The following TTN variants were observed in gnomAD, a reference collection of about 807,000 sequenced individuals.
TTN encodes titin.
In TTN, 1,525 loss-of-function variants were observed where a neutral mutation model predicts 3,223.0. The observed-to-expected ratio is 0.47, with a 90% CI of 0.45 to 0.49. The LOEUF is 0.49. Ranked by LOEUF, TTN falls within the 20% of genes least tolerant of loss-of-function variation. The pLI, the probability that TTN is intolerant of heterozygous loss-of-function variation, is 0.00. For missense variants in TTN, 40,786 were observed against 43,424.0 expected, an observed-to-expected ratio of 0.94 and a Z score of 5.40; for synonymous variants, 14,094 against 15,161.0, an observed-to-expected ratio of 0.93 and a Z score of 5.17.
At chr2:178,529,851 AATTTT>A in intron 359 of TTN, 104 bp downstream of exon 359, 2 of 1,219,916 alleles carry the variant, frequency 1.6e-6, no homozygotes, top group South Asian at 3.0e-5. Context: ...TTAGGAAAAT[AATTTT>A]ATTTTAATAC....
In TTN at chr2:178,741,433, C is replaced by T; in HGVS notation, c.11800G>A (p.Gly3934Ser). 2.5e-6 allele frequency: 4 copies of T among 1,613,864 alleles called. No individual in the cohort carries two copies. The highest frequency in any genetic ancestry group is 2.5e-6 in the Non-Finnish European group (3 of 1,179,824). ...TTAAGGAAGTGAGGAGGACAAGGAC[C>T]TCCCAGCTTTTCCAGAGATTTTGCC... ...AVAKSLEKLG[G>S]PCPPHFLKEL... Residue 3934 changes from glycine to serine, a missense_variant, in exon 48 of 363, where the codon GGT becomes AGT. Physicochemically the swap from Gly to Ser is moderately conservative, Grantham distance 56. Transcript: ENST00000589042.
Position 178,666,710 on chromosome 2 carries a change from T to C in TTN, c.35875+114A>G, listed in dbSNP as rs2065986355. 4 of 828,954 alleles carry C rather than the reference T, an allele frequency of 4.8e-6. No individual in the cohort carries two copies. In the South Asian group the frequency reaches 9.3e-5, roughly 19 times the overall value. 51.3% of individuals were successfully genotyped at this position (828,954 alleles called of 1,614,324 possible). A position where few individuals can be genotyped will look rare whatever the true frequency, so the allele number is the denominator to read the frequency against. On this transcript the variant is annotated intron_variant, in intron 163 of 362. Coordinates refer to ENST00000589042, the MANE Select transcript of TTN (RefSeq NM_001267550.2). Reference sequence around the variant, plus strand: ...TGAGCTTCTACTTGGGGGATCCATCTCTGAAATGATTTCCACTGTAGCCAC... The same window carrying C: ...TGAGCTTCTACTTGGGGGATCCATCCCTGAAATGATTTCCACTGTAGCCAC...
rs370888932 is a variant in TTN, at chr2:178,600,931, C to T, written c.55973G>A (p.Arg18658Gln). ...TCCTGCAGCATTGACAGCTTTGACT[C>T]GGAATTCATATTCCCCACCCTCTAC... ...DLVEGGEYEF[R>Q]VKAVNAAGVS... Residue 18658 changes from arginine to glutamine, a missense_variant, in exon 288 of 363, where the codon CGA becomes CAA. Physicochemically the swap from Arg to Gln is conservative, Grantham distance 43. Transcript: ENST00000589042. The T allele has an allele frequency of 1.8e-5, 29 of 1,612,960 alleles. No homozygotes were observed. The East Asian group carries it at 3.1e-4, about 17-fold the overall frequency.
chr2:178,619,953 G>A, intron 249 of TTN, 35 bp downstream of exon 249: 1 of 1,595,262 alleles, frequency 6.3e-7, no homozygotes, highest in Non-Finnish European at 8.5e-7. Flanking sequence ...TAAAAAATTG[G>A]TAACATTAGA....
Position 178,725,389 on chromosome 2 carries a change from T to A in TTN, c.20815A>T (p.Met6939Leu). 1 of 1,587,268 alleles carries A rather than the reference T, an allele frequency of 6.3e-7. No homozygotes were observed. Among genetic ancestry groups the A allele is most frequent in the African/African-American group, 1.3e-5 (1 of 74,754 alleles). ...CAACCTAAGACCATCAGTGTGGCCA[T>A]GTTCTCCCTCATTCCACCATCATTC... ...IKNDGGMREN[M>L]ATLMVLEPAV... The change falls in exon 71 of 363, where the codon ATG becomes TTG. Residue 6939 changes from methionine to leucine, a missense_variant. Physicochemically the swap from Met to Leu is conservative, Grantham distance 15. Coordinates refer to ENST00000589042, the MANE Select transcript of TTN (RefSeq NM_001267550.2).
At chr2:178,783,904 T>A (rs2092979624) in intron 16 of TTN, 119 bp from the exon 17 acceptor site, 1 of 1,069,504 alleles carries the variant, frequency 9.4e-7, no homozygotes, top group African/African-American at 1.7e-5. Context: ...AAAAATAATT[T>A]GAGAAAATGA....
In TTN at chr2:178,633,248, A is replaced by G. The variant is rs1055213360; in HGVS notation, c.43025T>C (p.Leu14342Pro). ...VGETAHFEIE[L>P]SEPDVHGQWK... The stretch of plus-strand genomic sequence containing the variant: ...CTGGCCGTGAACATCAGGTTCAGAA[A>G]GTTCAATTTCAAAGTGGGCTGTTTC... The change falls in exon 233 of 363, where the codon CTT becomes CCT. Residue 14342 changes from leucine (L) to proline (P), a missense_variant. Leu to Pro is a moderately conservative substitution (Grantham distance 98, BLOSUM62 -3). Coordinates refer to ENST00000589042, the MANE Select transcript of TTN (RefSeq NM_001267550.2). The G allele has an allele frequency of 9.9e-6, 16 of 1,613,304 alleles. No homozygotes were observed. The highest frequency in any genetic ancestry group is 1.4e-5 in the Non-Finnish European group (16 of 1,179,492).
rs769690321 is a variant in TTN, at chr2:178,621,745, C to G, written c.45083-4G>C. 6.2e-7 allele frequency: 1 copy of G among 1,609,496 alleles called. No homozygotes were observed. On this transcript the variant is annotated splice_region_variant and splice_polypyrimidine_tract_variant and intron_variant, in intron 244 of 362. Transcript: ENST00000589042. ...TTGGTAAAGACAGCTTCTTCTTCTG[C>G]AAGCATTGAAAAAACAAAAACCACA...
chr2:178,582,754 T>C (rs1324529042), intron 313 of TTN, 162 bp from the exon 314 acceptor site: 2 of 909,480 alleles, frequency 2.2e-6, no homozygotes, highest in African/African-American at 3.4e-5. Flanking sequence ...TAAAATTAGG[T>C]AATTGAAATA....
intron 92 of TTN, 69 bp from the exon 93 acceptor site, chr2:178,713,441 CT>C: frequency 6.9e-7 from 1 of 1,446,656 alleles, no homozygotes; most frequent in Non-Finnish European, 9.1e-7. Flanking sequence ...TATAAAATGA[CT>C]TGAAGAGAGA....
rs1290804499 is a variant in TTN at position 178,740,091 on chromosome 2, T to A, written c.13142A>T (p.Glu4381Val). The A allele has an allele frequency of 6.2e-7, 1 of 1,613,802 alleles. No homozygotes were observed. The highest frequency in any genetic ancestry group is 8.5e-7 in the Non-Finnish European group (1 of 1,179,792). The change falls in exon 48 of 363, where the codon GAA becomes GTA. Residue 4381 changes from glutamate to valine, a missense_variant. Glu to Val is a moderately radical substitution (Grantham distance 121). Transcript: ENST00000589042. ...EVQGRDLLSK[E>V]SLLSGIPEEQ... ...TTCTGGAATACCAGAAAGCAAGCTT[T>A]CCTTAGAAAGAAGGTCCCTTCCCTG...
rs1247106679 is a variant in TTN, at chr2:178,526,577, A to G, written c.*435T>C. The G allele has an allele frequency of 6.3e-6, 1 of 158,096 alleles. No individual in the cohort carries two copies. The highest frequency in any genetic ancestry group is 2.4e-5 in the African/African-American group (1 of 41,532). 9.8% of individuals were successfully genotyped at this position (158,096 alleles called of 1,614,324 possible). ...CATATCAAGTGATATGCACAGCATC[A>G]TTCTCTTTTAGGTGGACAGGACATC... On this transcript the variant is annotated 3_prime_UTR_variant, in exon 363 of 363. Coordinates refer to ENST00000589042, the MANE Select transcript of TTN (RefSeq NM_001267550.2).
In TTN at chr2:178,573,092, G is replaced by A. The variant is rs762412998; in HGVS notation, c.73040C>T (p.Pro24347Leu). Residue 24347 changes from proline to leucine, a missense_variant, in exon 326 of 363, where the codon CCT becomes CTT. By Grantham distance (98) the Pro-to-Leu change is moderately conservative. Coordinates refer to ENST00000589042, the MANE Select transcript of TTN (RefSeq NM_001267550.2). ...GATTTCTGAACCACCATCATAGATAGGTTTATTCCAAGCGATTGAAATGGA... is the reference window on the plus strand; with the variant it reads ...GATTTCTGAACCACCATCATAGATAAGTTTATTCCAAGCGATTGAAATGGA... ...RSSISIAWNKPIYDGGSEITG... is the reference protein window; with the variant it reads ...RSSISIAWNKLIYDGGSEITG... 3.7e-6 allele frequency: 6 copies of A among 1,613,240 alleles called. No homozygotes were observed. In the Admixed American group the frequency reaches 1.0e-4, roughly 27 times the overall value.
In TTN at chr2:178,545,544, G is replaced by C. The variant is rs72648261; in HGVS notation, c.95566C>G (p.Arg31856Gly). 1.2e-6 allele frequency: 2 copies of C among 1,613,572 alleles called. No homozygotes were observed. Among genetic ancestry groups the C allele is most frequent in the Non-Finnish European group, 1.7e-6 (2 of 1,179,720 alleles). Residue 31856 changes from arginine to glycine, a missense_variant, in exon 344 of 363, where the codon CGT (arginine) becomes GGT (glycine). Arg to Gly is a moderately radical substitution (Grantham distance 125, BLOSUM62 -2). Coordinates refer to ENST00000589042, the MANE Select transcript of TTN (RefSeq NM_001267550.2). ...KREKKSLRWT[R>G]VNKDYVVYDT... Reference sequence around the variant, plus strand: ...TACACCACATAGTCTTTGTTGACACGTGTCCAGCGCAGGCTCTTCTTCTCA... The same window carrying C: ...TACACCACATAGTCTTTGTTGACACCTGTCCAGCGCAGGCTCTTCTTCTCA...
At chr2:178,641,792 T>G (rs2061271154) in intron 219 of TTN, among the ~76,000 whole-genome samples, 1 of 151,862 alleles carries the variant, frequency 6.6e-6, no homozygotes, top group Non-Finnish European at 1.5e-5. Flanking sequence ...AATATTTTAT[T>G]AGTCAGAAAG....
chr2:178,592,700 A>G (rs1214023998), intron 300 of TTN, 40 bp from the exon 301 acceptor site: 1 of 1,611,918 alleles, frequency 6.2e-7, no homozygotes, highest in Non-Finnish European at 8.5e-7. Flanking sequence ...TTGATCCATA[A>G]TGCAGATTAC....
In TTN at chr2:178,528,659, G is replaced by A. The variant is rs1435670489; in HGVS notation, c.107092C>T (p.Leu35698Phe). 6.2e-7 allele frequency: 1 copy of A among 1,613,070 alleles called. No homozygotes were observed. The highest frequency in any genetic ancestry group is 2.2e-5 in the East Asian group (1 of 44,870). Residue 35698 changes from leucine to phenylalanine, a missense_variant, in exon 360 of 363, where the codon CTC becomes TTC. Physicochemically the swap from Leu to Phe is conservative, Grantham distance 22. Transcript: ENST00000589042. ...GAGATGAAGGCTGGAGCATCTGAGA[G>A]TTCTTTGCTCAGTGTCAAATCATAC... ...CQYDLTLSKE[L>F]SDAPAFISQP...
In TTN at chr2:178,534,669, A is replaced by G. The variant is rs1436062432; in HGVS notation, c.101946T>C (p.Tyr33982=). 1 of 1,613,834 alleles carries G rather than the reference A, an allele frequency of 6.2e-7. No individual in the cohort carries two copies. Among genetic ancestry groups the G allele is most frequent in the Non-Finnish European group, 8.5e-7 (1 of 1,179,776 alleles). Residue 33982 remains tyrosine, a synonymous_variant, in exon 358 of 363, where the codon TAT becomes TAC. Coordinates refer to ENST00000589042, the MANE Select transcript of TTN (RefSeq NM_001267550.2). ...FRLLFTAPEY[Y]APEVHQHDVV... Reference sequence around the variant, plus strand: ...CATCATGCTGGTGGACTTCAGGTGCATAGTATTCTGGGGCAGTGAATAGAA... The same window carrying G: ...CATCATGCTGGTGGACTTCAGGTGCGTAGTATTCTGGGGCAGTGAATAGAA...
intron 294 of TTN, 106 bp from the exon 295 acceptor site, chr2:178,595,915 A>G: frequency 9.6e-6 from 11 of 1,150,918 alleles, no homozygotes; most frequent in Non-Finnish European, 1.2e-5. Flanking sequence ...GAAGAAAGTA[A>G]GGTTTTGTGT....
Sources: allele counts gnomAD v4.1 joint callset (sites outside exome capture counted in the v4.1 genomes callset), GRCh38; gene constraint gnomAD v4.1.1; transcripts MANE v1.5; gene names NCBI Gene and HGNC (gene_info 2026-07-23, HGNC 2026-07-21).